The following STK32B variants were observed in gnomAD, a reference collection of about 807,000 sequenced individuals.
STK32B encodes the protein serine/threonine-protein kinase 32B.
Under a neutral mutation model 52.6 loss-of-function variants are expected in STK32B, and 43 were observed. The observed-to-expected ratio is 0.82, with a 90% confidence interval of 0.64 to 1.05. STK32B has a LOEUF of 1.05. Among genes scored for constraint, STK32B ranks in the 50% least tolerant of loss-of-function variants. The pLI is 0.00. For synonymous variants in STK32B, 238 were observed against 204.3 expected, an observed-to-expected ratio of 1.17 and a Z score of -1.41; for missense variants, 621 against 534.6, an observed-to-expected ratio of 1.16 and a Z score of -1.59.
intron 6 of STK32B, among the ~76,000 whole-genome samples, chr4:5,442,399 C>T (rs1213676851): frequency 5.3e-5 from 8 of 151,852 alleles, no homozygotes; most frequent in African/African-American, 1.9e-4. Context: ...GGTTTAAAGT[C>T]TGTTTTATCA....
At position 5,168,441 on chromosome 4, in the gene STK32B, T is replaced by G. The variant is rs377501200; in HGVS notation, c.251T>G (p.Val84Gly). The change falls in exon 3 of 12, where the codon GTC becomes GGC. Residue 84 changes from valine (V) to glycine (G), a missense_variant. Coordinates refer to ENST00000282908, the MANE Select transcript of STK32B (RefSeq NM_018401.3). ...CAAGGGCTGGAGCACCCCTTCCTGGTCAATCTGTGGTGAGTGTGGCTCCAT... is the reference window on the plus strand; with the variant it reads ...CAAGGGCTGGAGCACCCCTTCCTGGGCAATCTGTGGTGAGTGTGGCTCCAT... Reference protein sequence around the residue: ...IMQGLEHPFLVNLWYSFQDEE... With the variant: ...IMQGLEHPFLGNLWYSFQDEE... The G allele has an allele frequency of 4.3e-6, 7 of 1,613,102 alleles. No homozygotes were observed. Among genetic ancestry groups the G allele is most frequent in the Non-Finnish European group, 5.9e-6 (7 of 1,179,646 alleles).
At chr4:5,347,252 G>A (rs1346295947) in intron 4 of STK32B, among the ~76,000 whole-genome samples, 1 of 152,178 alleles carries the variant, frequency 6.6e-6, no homozygotes, top group East Asian at 1.9e-4. Flanking sequence ...CTTAGATTTG[G>A]CTAAAGACAG....
chr4:5,041,696 T>C, the STK32B span, among the ~76,000 whole-genome samples: 1 of 152,188 alleles, frequency 6.6e-6, no homozygotes, highest in East Asian at 1.9e-4. Flanking sequence ...GAAGTTATTA[T>C]TTTTAAGTCA....
At chr4:5,142,985 A>G (rs1392574609) in intron 2 of STK32B, among the ~76,000 whole-genome samples, 5 of 151,872 alleles carry the variant, frequency 3.3e-5, no homozygotes, top group South Asian at 2.1e-4. Context: ...TGCAGTATCA[A>G]CTCTTTTCTG....
intron 3 of STK32B, among the ~76,000 whole-genome samples, chr4:5,170,641 A>T (rs1003051240): frequency 1.3e-5 from 2 of 152,070 alleles, no homozygotes; most frequent in African/African-American, 2.4e-5. Context: ...ACATGAACTC[A>T]TCATTTTTAA....
intron 3 of STK32B, among the ~76,000 whole-genome samples, chr4:5,284,850 A>G (rs1342281479): frequency 1.3e-5 from 2 of 152,202 alleles, no homozygotes; most frequent in African/African-American, 2.4e-5. Context: ...TTAGTGCAAT[A>G]CTGTAAACCT....
chr4:5,133,917 C>A (rs142857673), intron 1 of STK32B, among the ~76,000 whole-genome samples: 5 of 152,192 alleles, frequency 3.3e-5, no homozygotes, highest in African/African-American at 1.2e-4. Context: ...AGTTAACTTA[C>A]GTCCTCAGGT....
chr4:5,420,234 C>CA (rs1712508309), intron 6 of STK32B, among the ~76,000 whole-genome samples: 2 of 152,140 alleles, frequency 1.3e-5, no homozygotes, highest in African/African-American at 4.8e-5. Flanking sequence ...TCCTTTTTAG[C>CA]AAAAATACCA....
chr4:5,083,654 C>G (rs571155425), intron 1 of STK32B, among the ~76,000 whole-genome samples: 1 of 152,020 alleles, frequency 6.6e-6, no homozygotes, highest in African/African-American at 2.4e-5. Flanking sequence ...AATTGGGCCA[C>G]TGTTTATTCA....
Position 5,400,123 on chromosome 4 carries a change from G to C in STK32B, c.472+1879G>C, listed in dbSNP as rs141837366. Among the ~76,000 whole-genome samples the C allele has an allele frequency of 6.7e-4, 102 of 151,988 alleles. 1 individual carries two copies. In the East Asian group the frequency reaches 0.017, roughly 25 times the overall value. On this transcript the variant is annotated intron_variant, in intron 5 of 11. Coordinates refer to ENST00000282908, the MANE Select transcript of STK32B (RefSeq NM_018401.3). The surrounding 1 kb of genome is among the most constrained non-coding windows in gnomAD (Gnocchi z 6.1). The stretch of plus-strand genomic sequence containing the variant: ...CACTGATGAGGAAAAGTGACACAGA[G>C]AGTATGGGGGTAACCCAGGACTGCC...
chr4:5,375,743 T>C (rs1735545279), intron 4 of STK32B, among the ~76,000 whole-genome samples: 1 of 152,184 alleles, frequency 6.6e-6, no homozygotes, highest in Admixed American at 6.5e-5. Flanking sequence ...TCCTCAAATG[T>C]CTACTGATGA....
In STK32B at chr4:5,136,366, T is replaced by G. The variant is rs903341009; in HGVS notation, c.53-3539T>G. Among the ~76,000 whole-genome samples, 5 of 128,358 alleles carry G rather than the reference T, an allele frequency of 3.9e-5. No individual in the cohort carries two copies. The East Asian group carries it at 1.2e-3, about 30-fold the overall frequency. The allele number at this position is 128,358 out of a possible 152,430, so 84.2% of individuals were successfully genotyped here. A position where few individuals can be genotyped will look rare whatever the true frequency, so the allele number is the denominator to read the frequency against. ...CATTTCTACCCTAGTGGTACACTTT[T>G]AGCGGTGTAACCCTTTGCAGCTCTA... On this transcript the variant is annotated intron_variant, in intron 1 of 11. Coordinates refer to ENST00000282908, the MANE Select transcript of STK32B (RefSeq NM_018401.3).
chr4:5,224,692 CTA>C (rs1723752577), intron 3 of STK32B, among the ~76,000 whole-genome samples: 1 of 152,032 alleles, frequency 6.6e-6, no homozygotes, highest in Non-Finnish European at 1.5e-5. Flanking sequence ...GGGAATATCA[CTA>C]ATGTTAATTA....
intron 3 of STK32B, among the ~76,000 whole-genome samples, chr4:5,248,096 G>A (rs1725593390): frequency 6.6e-6 from 1 of 152,104 alleles, no homozygotes; most frequent in Non-Finnish European, 1.5e-5. Context: ...TAACATAGTG[G>A]GTGTTTTCAG....
At chr4:5,431,888 G>T (rs1301690972) in intron 6 of STK32B, among the ~76,000 whole-genome samples, 1 of 152,142 alleles carries the variant, frequency 6.6e-6, no homozygotes, top group African/African-American at 2.4e-5. Context: ...AGGATTAAGA[G>T]AGAGGCCAGG....
At chr4:5,489,784 A>G (rs1280390106) in intron 11 of STK32B, among the ~76,000 whole-genome samples, 1 of 152,118 alleles carries the variant, frequency 6.6e-6, no homozygotes, top group Non-Finnish European at 1.5e-5. Context: ...TGAACTTTAT[A>G]AAATGGGTTA....
intron 9 of STK32B, among the ~76,000 whole-genome samples, chr4:5,462,330 CTA>C (rs951831329): frequency 1.3e-5 from 2 of 150,164 alleles, no homozygotes; most frequent in African/African-American, 2.5e-5. Context: ...GTCTGTATGT[CTA>C]TATGTGTCCG....
chr4:5,200,254 T>G (rs1315878555), intron 3 of STK32B, among the ~76,000 whole-genome samples: 1 of 133,466 alleles, frequency 7.5e-6, no homozygotes, highest in Admixed American at 7.4e-5. Context: ...TCTTCTGCTC[T>G]TTTTTTTTTT....
At chr4:5,372,934 G>A (rs1210459221) in intron 4 of STK32B, among the ~76,000 whole-genome samples, 1 of 152,090 alleles carries the variant, frequency 6.6e-6, no homozygotes, top group African/African-American at 2.4e-5. Context: ...CCCAAATGAG[G>A]AATCCTCATT....
Sources: allele counts gnomAD v4.1 joint callset (sites outside exome capture counted in the v4.1 genomes callset), GRCh38; gene constraint gnomAD v4.1.1; non-coding constraint Gnocchi (gnomAD v3.1); transcripts MANE v1.5; gene names NCBI Gene and HGNC (gene_info 2026-07-23, HGNC 2026-07-21).